The following BPTF variants were observed in gnomAD, a reference collection of about 807,000 sequenced individuals.
BPTF encodes the protein bromodomain PHD finger transcription factor, also known as nucleosome-remodeling factor subunit BPTF.
In BPTF, 18 loss-of-function variants were observed where a neutral mutation model predicts 292.5. The ratio of observed to expected loss-of-function variants is 0.06; its 90% CI spans 0.04 to 0.09. BPTF has a LOEUF of 0.09. Among genes scored for constraint, BPTF ranks in the 10% least tolerant of loss-of-function variants. The probability of loss-of-function intolerance (pLI) is 1.00; values close to 1 mark genes in which losing one functional copy is unlikely to be tolerated. For synonymous variants in BPTF, 1,225 were observed against 1,251.9 expected (o/e 0.98, Z 0.45); for missense variants, 2,726 against 3,498.7 (o/e 0.78, Z 5.57).
intron 19 of BPTF, among the ~76,000 whole-genome samples, chr17:67,942,200 C>T (rs2065426942): frequency 6.6e-6 from 1 of 152,036 alleles, no homozygotes; most frequent in Admixed American, 6.6e-5. Context: ...CCTGTAATCC[C>T]AGCTGCTTGG....
chr17:67,921,209 CAAAAAA>C (rs60707445), intron 13 of BPTF, among the ~76,000 whole-genome samples: 2 of 49,228 alleles, frequency 4.1e-5, no homozygotes, highest in Non-Finnish European at 5.1e-5. Context: ...GAATCCGTGT[CAAAAAA>C]AAAAAAAAAA....
At chr17:67,936,152 T>C (rs1298613364) in intron 18 of BPTF, among the ~76,000 whole-genome samples, 2 of 152,210 alleles carry the variant, frequency 1.3e-5, no homozygotes, top group Non-Finnish European at 2.9e-5. Context: ...AGATAAAATC[T>C]TTCCCATTTT....
chr17:67,982,089 A>C (rs1298629218), intron 27 of BPTF, 163 bp from the exon 28 acceptor site: 7 of 670,546 alleles, frequency 1.0e-5, no homozygotes, highest in Middle Eastern at 2.6e-4. Flanking sequence ...TTAATATTAT[A>C]GGTTAAAATT....
At position 67,919,931 on chromosome 17, in the gene BPTF, C is replaced by G. The variant is rs555324894; in HGVS notation, c.5429-84C>G. Reference sequence around the variant, plus strand: ...TTCCAAAAGTTTATTCCACGTGTGTCTCTTTTTGAAAGCACCAGATGTACC... The same window carrying G: ...TTCCAAAAGTTTATTCCACGTGTGTGTCTTTTTGAAAGCACCAGATGTACC... On this transcript the variant is annotated intron_variant, in intron 12 of 27. Transcript: ENST00000306378. 6.4e-5 allele frequency: 86 copies of G among 1,352,884 alleles called. 1 individual carries two copies. The South Asian group carries it at 1.2e-3, about 18-fold the overall frequency. The allele number at this position is 1,352,884 out of a possible 1,614,324, so 83.8% of individuals were successfully genotyped here. A position where few individuals can be genotyped will look rare whatever the true frequency, so the allele number is the denominator to read the frequency against.
chr17:67,912,675 A>G lies in BPTF; in HGVS notation c.4791A>G (p.Thr1597=). Residue 1597 remains threonine (T), a synonymous_variant, in exon 11 of 28, where the codon ACA becomes ACG. Transcript: ENST00000306378. The part of the protein sequence containing the change: ...EVTTMTSTVA[T]ESKTVIKVEK... ...CCACGATGACCTCCACAGTGGCCACAGAATCAAAAACTGTGATCAAGGTAG... is the reference window on the plus strand; with the variant it reads ...CCACGATGACCTCCACAGTGGCCACGGAATCAAAAACTGTGATCAAGGTAG... 1 of 1,614,100 alleles carries G rather than the reference A, an allele frequency of 6.2e-7. No homozygotes were observed. Among genetic ancestry groups the G allele is most frequent in the Non-Finnish European group, 8.5e-7 (1 of 1,180,042 alleles).
chr17:67,870,691 A>G lies in BPTF; in HGVS notation c.1660+4004A>G, dbSNP rs146837881. Among the ~76,000 whole-genome samples, 5 of 151,938 alleles carry G rather than the reference A, an allele frequency of 3.3e-5. No individual in the cohort carries two copies. The East Asian group carries it at 9.6e-4, about 29-fold the overall frequency. ...AATAGCCAAGAATAATTTACAGCATAACAGGAATTTCAGAATTGTAGCCTG... is the reference window on the plus strand; with the variant it reads ...AATAGCCAAGAATAATTTACAGCATGACAGGAATTTCAGAATTGTAGCCTG... On this transcript the variant is annotated intron_variant, in intron 3 of 27. Coordinates refer to ENST00000306378, the MANE Select transcript of BPTF (RefSeq NM_182641.4).
intron 9 of BPTF, among the ~76,000 whole-genome samples, chr17:67,907,777 T>G (rs536537060): frequency 2.0e-5 from 3 of 152,296 alleles, no homozygotes; most frequent in African/African-American, 7.2e-5. Context: ...CGTAGACATT[T>G]TTCCATAACC....
chr17:67,979,272 G>A (rs1334049528), intron 27 of BPTF, among the ~76,000 whole-genome samples: 1 of 151,896 alleles, frequency 6.6e-6, no homozygotes, highest in African/African-American at 2.4e-5. Context: ...ATTGGGCCGG[G>A]CACGGTGGTT....
At position 67,946,154 on chromosome 17, in the gene BPTF, G is replaced by A. The variant is rs1555675307; in HGVS notation, c.7446G>A (p.Gln2482=). 1 of 1,614,178 alleles carries A rather than the reference G, an allele frequency of 6.2e-7. No individual in the cohort carries two copies. The highest frequency in any genetic ancestry group is 1.7e-5 in the Admixed American group (1 of 60,026). Residue 2482 remains glutamine (Q), a synonymous_variant, in exon 21 of 28, where the codon CAG becomes CAA. Coordinates refer to ENST00000306378, the MANE Select transcript of BPTF (RefSeq NM_182641.4). ...PIQIQQSSAV[Q]THQIQNVVTV... ...AAATTCAGCAAAGCAGTGCTGTGCA[G>A]ACTCACCAGATTCAGAATGTGGTTA...
At chr17:67,923,641 G>A (rs1466936889) in intron 14 of BPTF, among the ~76,000 whole-genome samples, 1 of 150,808 alleles carries the variant, frequency 6.6e-6, no homozygotes. Flanking sequence ...CACCATGCCC[G>A]GCTGATTTTT....
chr17:67,854,268 T>C lies in BPTF; in HGVS notation c.942T>C (p.Val314=). ...TFGPADLKDS[V]NSTLYFIDGM... ...GACCTGCTGATCTGAAAGATAGCGT[T>C]AATTCCACACTGTATTTCATAGATG... Residue 314 remains valine, a synonymous_variant, in exon 2 of 28, where the codon GTT becomes GTC. Transcript: ENST00000306378. This position sits in a 1 kb window ranked among gnomAD's most constrained non-coding sequence, Gnocchi z 5.6. 6.2e-7 allele frequency: 1 copy of C among 1,614,220 alleles called. No homozygotes were observed. Among genetic ancestry groups the C allele is most frequent in the Non-Finnish European group, 8.5e-7 (1 of 1,180,044 alleles).
chr17:67,877,191 A>G (rs2060100926), intron 4 of BPTF, among the ~76,000 whole-genome samples: 1 of 152,246 alleles, frequency 6.6e-6, no homozygotes, highest in Non-Finnish European at 1.5e-5. Flanking sequence ...TCAGTGACCA[A>G]AATAGATAAG....
chr17:67,830,146 G>A (rs2056533922), intron 1 of BPTF, among the ~76,000 whole-genome samples: 1 of 152,184 alleles, frequency 6.6e-6, no homozygotes, highest in Non-Finnish European at 1.5e-5. Flanking sequence ...TTTTCAATAG[G>A]CATTTGGTAA....
chr17:67,860,949 T>C (rs2059039892), intron 2 of BPTF, among the ~76,000 whole-genome samples: 1 of 152,182 alleles, frequency 6.6e-6, no homozygotes, highest in African/African-American at 2.4e-5. Flanking sequence ...CCATTCTAGG[T>C]ACAAACCACA....
In BPTF at chr17:67,940,558, A is replaced by G. The variant is rs782133797; in HGVS notation, c.6379A>G (p.Thr2127Ala). The G allele has an allele frequency of 6.2e-7, 1 of 1,614,140 alleles. No homozygotes were observed. Among genetic ancestry groups the G allele is most frequent in the Non-Finnish European group, 8.5e-7 (1 of 1,180,038 alleles). ...GAAAAGCTTAACTTCAGCAACGTCC[A>G]CTTCAAATATACAGTCTTCAGCCTC... ...GQKSLTSATS[T>A]SNIQSSASQP... The change falls in exon 19 of 28, where the codon ACT (threonine) becomes GCT (alanine). Residue 2127 changes from threonine to alanine, a missense_variant. Thr to Ala is a moderately conservative substitution (Grantham distance 58, BLOSUM62 0). Coordinates refer to ENST00000306378, the MANE Select transcript of BPTF (RefSeq NM_182641.4).
intron 7 of BPTF, among the ~76,000 whole-genome samples, chr17:67,897,408 C>G (rs1454679153): frequency 2.1e-5 from 3 of 142,730 alleles, no homozygotes; most frequent in Admixed American, 7.1e-5. Context: ...ATTTCTGATT[C>G]TCTTTTATTA....
At chr17:67,885,712 T>G (rs1018242514) in intron 4 of BPTF, among the ~76,000 whole-genome samples, 2 of 152,232 alleles carry the variant, frequency 1.3e-5, no homozygotes, top group South Asian at 4.1e-4. Context: ...ATTTGAGTAC[T>G]TTTGAAAAGT....
At chr17:67,967,816 CAAA>C (rs58143986) in intron 26 of BPTF, among the ~76,000 whole-genome samples, 1 of 97,120 alleles carries the variant, frequency 1.0e-5, no homozygotes, top group Non-Finnish European at 2.2e-5. Flanking sequence ...GAGACTCTGT[CAAA>C]AAAAAAAAAA....
In BPTF at chr17:67,922,732, C is replaced by T. The variant is rs113361619; in HGVS notation, c.5558-108C>T. The T allele has an allele frequency of 1.4e-3, 1,757 of 1,216,948 alleles. 17 individuals carry two copies. The African/African-American group carries it at 0.022, about 15-fold the overall frequency. 75.4% of individuals were successfully genotyped at this position (1,216,948 alleles called of 1,614,324 possible). ...GCTGAGTAGCTGCAGCAGAGACCATCTGGCTATTTAAGAAGTTTGCCAACC... is the reference window on the plus strand; with the variant it reads ...GCTGAGTAGCTGCAGCAGAGACCATTTGGCTATTTAAGAAGTTTGCCAACC... On this transcript the variant is annotated intron_variant, in intron 13 of 27. Coordinates refer to ENST00000306378, the MANE Select transcript of BPTF (RefSeq NM_182641.4).
Sources: allele counts gnomAD v4.1 joint callset (sites outside exome capture counted in the v4.1 genomes callset), GRCh38; gene constraint gnomAD v4.1.1; non-coding constraint Gnocchi (gnomAD v3.1); transcripts MANE v1.5; gene names NCBI Gene and HGNC (gene_info 2026-07-23, HGNC 2026-07-21).